The following EML5 variants were observed in gnomAD, a reference collection of about 807,000 sequenced individuals.
EML5 encodes echinoderm microtubule-associated protein-like 5.
In EML5, 120 loss-of-function variants were observed where a neutral mutation model predicts 250.0. The observed-to-expected ratio is 0.48, with a 90% confidence interval of 0.41 to 0.56. The LOEUF (loss-of-function observed/expected upper bound fraction) is 0.56, where lower values mean the gene tolerates loss of function less well. EML5 is among the 20% of genes least tolerant of loss of function. The probability of loss-of-function intolerance (pLI) is 0.00; values close to 1 mark genes in which losing one functional copy is unlikely to be tolerated. For missense variants in EML5, 2,006 were observed against 2,437.6 expected (o/e 0.82, Z 3.73); for synonymous variants, 771 against 806.5 (o/e 0.96, Z 0.75).
intron 30 of EML5, among the ~76,000 whole-genome samples, chr14:88,643,780 T>A (rs2091200198): frequency 6.6e-6 from 1 of 152,252 alleles, no homozygotes; most frequent in Non-Finnish European, 1.5e-5. Context: ...CAATTCATGC[T>A]AAAGTTCTGG....
At chr14:88,679,021 G>A (rs1011418280) in intron 21 of EML5, among the ~76,000 whole-genome samples, 2 of 151,696 alleles carry the variant, frequency 1.3e-5, no homozygotes, top group Admixed American at 6.6e-5. Context: ...GCAATCCTTG[G>A]TGCTCCTTGG....
intron 8 of EML5, among the ~76,000 whole-genome samples, chr14:88,717,932 T>C (rs923216180): frequency 2.6e-5 from 4 of 152,254 alleles, no homozygotes; most frequent in Non-Finnish European, 5.9e-5. Flanking sequence ...ACGTAATACG[T>C]ACTATAGGTT....
intron 14 of EML5, among the ~76,000 whole-genome samples, chr14:88,699,212 A>T (rs1170068850): frequency 6.6e-6 from 1 of 152,114 alleles, no homozygotes; most frequent in African/African-American, 2.4e-5. Flanking sequence ...GGAGGGGAAG[A>T]GTTTTCCAAG....
chr14:88,707,706 T>C (rs1315757583), intron 10 of EML5, among the ~76,000 whole-genome samples: 1 of 152,198 alleles, frequency 6.6e-6, no homozygotes, highest in Non-Finnish European at 1.5e-5. Context: ...TATAATTTAC[T>C]GCTGCTTAAT....
At chr14:88,684,937 T>C in intron 20 of EML5, 78 bp downstream of exon 20, 2 of 1,248,946 alleles carry the variant, frequency 1.6e-6, no homozygotes, top group Non-Finnish European at 2.2e-6. Flanking sequence ...TTTTCATCAC[T>C]GTCAACTTTT....
At chr14:88,763,997 T>C (rs963595557) in intron 1 of EML5, among the ~76,000 whole-genome samples, 6 of 152,226 alleles carry the variant, frequency 3.9e-5, no homozygotes, top group Non-Finnish European at 5.9e-5. Context: ...ACTGAGATAG[T>C]CACCTGGCTT....
intron 21 of EML5, among the ~76,000 whole-genome samples, chr14:88,679,207 A>G (rs2092664374): frequency 6.7e-6 from 1 of 149,620 alleles, no homozygotes; most frequent in Non-Finnish European, 1.5e-5. Flanking sequence ...CTAATACTCT[A>G]TTTCTAAATG....
At chr14:88,705,091 G>C in intron 12 of EML5, 113 bp from the exon 13 acceptor site, 1 of 678,788 alleles carries the variant, frequency 1.5e-6, no homozygotes, top group South Asian at 2.5e-5. Context: ...TTTAATAGTA[G>C]TCTTAAATGA....
rs1373447370 is a variant in EML5, at chr14:88,694,296, C to G, written c.2539+11G>C. 6.5e-7 allele frequency: 1 copy of G among 1,537,968 alleles called. No homozygotes were observed. Among genetic ancestry groups the G allele is most frequent in the African/African-American group, 1.4e-5 (1 of 73,020 alleles). ...AAAATTCTATGGAGTAAAAAAGAAG[C>G]ACTTTCTTACCTGCTTTACGCCAAA... On this transcript the variant is annotated intron_variant, in intron 17 of 43. Coordinates refer to ENST00000554922, the MANE Select transcript of EML5 (RefSeq NM_183387.3).
chr14:88,621,894 CT>C, intron 37 of EML5: 1 of 456,452 alleles, frequency 2.2e-6, no homozygotes, highest in Admixed American at 2.4e-5. Flanking sequence ...AAAATCCTCT[CT>C]TGTAAATACC....
At chr14:88,690,371 G>A (rs566837109) in intron 17 of EML5, among the ~76,000 whole-genome samples, 1 of 152,328 alleles carries the variant, frequency 6.6e-6, no homozygotes, top group East Asian at 1.9e-4. Flanking sequence ...GAGTTAGAAG[G>A]CTATTTCAAT....
At chr14:88,647,839 T>C (rs1299969554) in intron 28 of EML5, among the ~76,000 whole-genome samples, 2 of 152,122 alleles carry the variant, frequency 1.3e-5, no homozygotes, top group East Asian at 3.8e-4. Flanking sequence ...TTCTGCAATA[T>C]AATCTGAATT....
Position 88,746,184 on chromosome 14 carries a change from C to T in EML5, c.456+1G>A. 1 of 1,609,306 alleles carries T rather than the reference C, an allele frequency of 6.2e-7. No individual in the cohort carries two copies. Among genetic ancestry groups the T allele is most frequent in the Non-Finnish European group, 8.5e-7 (1 of 1,176,488 alleles). ...TAGAAATCTCAAAAGAGAATACTTACTCTATCTGTATGACCAGGAGCCATA... is the reference window on the plus strand; with the variant it reads ...TAGAAATCTCAAAAGAGAATACTTATTCTATCTGTATGACCAGGAGCCATA... On this transcript the variant is annotated splice_donor_variant, in intron 3 of 43. Coordinates refer to ENST00000554922, the MANE Select transcript of EML5 (RefSeq NM_183387.3). LOFTEE classifies it high-confidence loss of function.
At chr14:88,770,614 T>G (rs1473102725) in intron 1 of EML5, among the ~76,000 whole-genome samples, 1 of 152,170 alleles carries the variant, frequency 6.6e-6, no homozygotes, top group Non-Finnish European at 1.5e-5. Flanking sequence ...AGTTGGAATC[T>G]GAAGATTCTC....
intron 40 of EML5, 47 bp from the exon 41 acceptor site, chr14:88,618,378 A>G (rs2088121977): frequency 6.6e-7 from 1 of 1,511,396 alleles, no homozygotes; most frequent in Non-Finnish European, 9.2e-7. Context: ...TAGGTGAGAG[A>G]CAAAATCCAC....
rs566981835 is a variant in EML5 at position 88,700,683 on chromosome 14, G to A, written c.2238+1763C>T. On this transcript the variant is annotated intron_variant, in intron 14 of 43. Coordinates refer to ENST00000554922, the MANE Select transcript of EML5 (RefSeq NM_183387.3). ...CTACCTGAAAACTCAGAGGTGGAAT[G>A]AGGCAAATACCCACAAAAACAAACA... Among the ~76,000 whole-genome samples the A allele has an allele frequency of 2.0e-5, 3 of 152,182 alleles. No homozygotes were observed. The South Asian group carries it at 6.2e-4, about 32-fold the overall frequency.
chr14:88,719,193 T>C (rs1270994135), intron 8 of EML5, among the ~76,000 whole-genome samples: 1 of 151,940 alleles, frequency 6.6e-6, no homozygotes, highest in Non-Finnish European at 1.5e-5. Flanking sequence ...TGAGATCAAC[T>C]GGGCAAAATG....
rs749921616 is a variant in EML5 at position 88,792,379 on chromosome 14, C to G, written c.125G>C (p.Gly42Ala). 1.5e-5 allele frequency: 23 copies of G among 1,571,118 alleles called. No homozygotes were observed. The highest frequency in any genetic ancestry group is 4.3e-6 in the Non-Finnish European group (5 of 1,160,304). Reference protein sequence around the residue: ...AAKEIVYFVAGVGVVYSPREH... With the variant: ...AAKEIVYFVAAVGVVYSPREH... ...CCGCGGGCTGTACACCACGCCGACC[C>G]CCGCCACGAAGTATACGATCTCCTT... is the stretch of plus-strand genomic sequence containing the variant. Residue 42 changes from glycine to alanine, a missense_variant, in exon 1 of 44, where the codon GGG becomes GCG. By Grantham distance (60) the Gly-to-Ala change is moderately conservative. Coordinates refer to ENST00000554922, the MANE Select transcript of EML5 (RefSeq NM_183387.3). The surrounding 1 kb of genome is among the most constrained non-coding windows in gnomAD (Gnocchi z 6.9).
chr14:88,616,141 C>T lies in EML5; in HGVS notation c.5897+1G>A. The T allele has an allele frequency of 2.5e-6, 4 of 1,613,642 alleles. No individual in the cohort carries two copies. Among genetic ancestry groups the T allele is most frequent in the Non-Finnish European group, 3.4e-6 (4 of 1,179,626 alleles). ...CTTCATGGGCTGAGAAAGTTACTAA[C>T]CTGCAGTCATCACCTCCAGCACTAA... On this transcript the variant is annotated splice_donor_variant, in intron 43 of 43. Transcript: ENST00000554922. LOFTEE classifies it high-confidence loss of function.
Sources: allele counts gnomAD v4.1 joint callset (sites outside exome capture counted in the v4.1 genomes callset), GRCh38; gene constraint gnomAD v4.1.1; non-coding constraint Gnocchi (gnomAD v3.1); transcripts MANE v1.5; gene names NCBI Gene and HGNC (gene_info 2026-07-23, HGNC 2026-07-21).